TTC28: variants seen among roughly 807,000 people sequenced by gnomAD.
TTC28 encodes tetratricopeptide repeat domain 28.
A neutral mutation model predicts 198.0 loss-of-function variants in TTC28; 61 were observed. That is an observed-to-expected ratio of 0.31 (90% CI 0.25 to 0.38). The LOEUF is 0.38. Ranked by LOEUF, TTC28 falls within the 10% of genes least tolerant of loss-of-function variation. The pLI, the probability that TTC28 is intolerant of heterozygous loss-of-function variation, is 1.00. For synonymous variants in TTC28, 1,171 were observed against 1,297.8 expected, an observed-to-expected ratio of 0.90 and a Z score of 2.10; for missense variants, 2,678 against 3,164.0, an observed-to-expected ratio of 0.85 and a Z score of 3.69.
intron 2 of TTC28, among the ~76,000 whole-genome samples, chr22:28,362,071 C>T (rs1009910943): frequency 6.6e-6 from 1 of 152,166 alleles, no homozygotes; most frequent in East Asian, 1.9e-4. Context: ...TGCCTGCTAA[C>T]ACAATATACA....
At chr22:28,084,853 A>G (rs1002013912) in intron 12 of TTC28, among the ~76,000 whole-genome samples, 1 of 152,220 alleles carries the variant, frequency 6.6e-6, no homozygotes, top group Non-Finnish European at 1.5e-5. Context: ...CATGAGAACT[A>G]CGTGATGAAT....
chr22:28,234,819 C>A (rs1184121940), intron 5 of TTC28, among the ~76,000 whole-genome samples: 1 of 152,150 alleles, frequency 6.6e-6, no homozygotes, highest in Non-Finnish European at 1.5e-5. Flanking sequence ...CTATGCCCCA[C>A]AAATAGAATT....
Position 28,005,835 on chromosome 22 carries a change from A to G in TTC28, c.4219-4282T>C, listed in dbSNP as rs964762319. ...TCTGGCCTGGCCAAACAGTGGACAT[A>G]TCTCTGTGTCCTGTGGGCTGAATCA... On this transcript the variant is annotated intron_variant, in intron 14 of 22. Transcript: ENST00000397906. This position sits in a 1 kb window ranked among gnomAD's most constrained non-coding sequence, Gnocchi z 4.9. Among the ~76,000 whole-genome samples, 9 of 152,192 alleles carry G rather than the reference A, an allele frequency of 5.9e-5. No individual in the cohort carries two copies. Among genetic ancestry groups the G allele is most frequent in the African/African-American group, 2.2e-4 (9 of 41,452 alleles).
intron 3 of TTC28, among the ~76,000 whole-genome samples, chr22:28,302,027 G>C (rs963590630): frequency 8.2e-5 from 12 of 145,672 alleles, no homozygotes; most frequent in African/African-American, 2.5e-4. Context: ...GGCAGAGTGA[G>C]ATCCTGTCTC....
chr22:28,100,355 G>A (rs920664211), intron 9 of TTC28, among the ~76,000 whole-genome samples: 1 of 152,180 alleles, frequency 6.6e-6, no homozygotes, highest in Non-Finnish European at 1.5e-5. Context: ...ACCTCACAGG[G>A]TTATTTTAAG....
chr22:28,385,955 G>A (rs1333413432), intron 2 of TTC28, among the ~76,000 whole-genome samples: 1 of 151,944 alleles, frequency 6.6e-6, no homozygotes, highest in Non-Finnish European at 1.5e-5. Context: ...AACTTTCTAA[G>A]CCCCGCTCGA....
At chr22:28,558,400 G>A (rs5762686) in intron 2 of TTC28, among the ~76,000 whole-genome samples, 34,912 of 152,166 alleles carry the variant, frequency 0.23, 5,019 homozygotes, top group South Asian at 0.38. Flanking sequence ...TTGGCCAGGC[G>A]CAGTGGCTCA....
intron 2 of TTC28, among the ~76,000 whole-genome samples, chr22:28,571,095 T>A (rs1055167955): frequency 3.9e-5 from 6 of 152,182 alleles, no homozygotes; most frequent in African/African-American, 1.4e-4. Context: ...GAGGAAAGCA[T>A]ATGTCCTGAA....
At chr22:28,186,554 G>C (rs1924224706) in intron 5 of TTC28, among the ~76,000 whole-genome samples, 1 of 152,140 alleles carries the variant, frequency 6.6e-6, no homozygotes, top group Non-Finnish European at 1.5e-5. Context: ...ATGTGCCTTA[G>C]TAATACATCT....
At chr22:28,125,114 T>C (rs1304370783) in intron 6 of TTC28, among the ~76,000 whole-genome samples, 2 of 152,206 alleles carry the variant, frequency 1.3e-5, no homozygotes, top group African/African-American at 2.4e-5. Context: ...CCCTTTATCA[T>C]TACCGTATTA....
chr22:28,604,370 A>G (rs2050695640), intron 2 of TTC28, among the ~76,000 whole-genome samples: 1 of 148,944 alleles, frequency 6.7e-6, no homozygotes, highest in African/African-American at 2.5e-5. Flanking sequence ...TTTATCTGAA[A>G]TGCTTTTTTG....
At chr22:28,640,319 G>C (rs1029512018) in intron 1 of TTC28, among the ~76,000 whole-genome samples, 1 of 144,110 alleles carries the variant, frequency 6.9e-6, no homozygotes, top group Non-Finnish European at 1.5e-5. Flanking sequence ...TAAAGGGGGG[G>C]GGGGGAAAGA....
intron 1 of TTC28, among the ~76,000 whole-genome samples, chr22:28,676,723 TAAA>T (rs767914032): frequency 8.2e-6 from 1 of 121,390 alleles, no homozygotes. Flanking sequence ...TTATTAGAAA[TAAA>T]AAAAAAAAAA....
At chr22:28,177,404 G>T (rs1356738761) in intron 5 of TTC28, among the ~76,000 whole-genome samples, 1 of 152,186 alleles carries the variant, frequency 6.6e-6, no homozygotes, top group African/African-American at 2.4e-5. Context: ...TTCATAGTCG[G>T]AAGGAATGAA....
intron 6 of TTC28, among the ~76,000 whole-genome samples, chr22:28,126,422 T>C (rs942952938): frequency 1.3e-5 from 2 of 152,220 alleles, no homozygotes; most frequent in African/African-American, 4.8e-5. Flanking sequence ...CCAATCCTGC[T>C]CTCTACAATG....
chr22:28,392,569 A>C (rs1382905200), intron 2 of TTC28, among the ~76,000 whole-genome samples: 1 of 152,190 alleles, frequency 6.6e-6, no homozygotes, highest in African/African-American at 2.4e-5. Flanking sequence ...AGCCCATCGG[A>C]AAAGCGCAGT....
chr22:28,456,440 T>A lies in TTC28; in HGVS notation c.382-149797A>T, dbSNP rs547773577. Among the ~76,000 whole-genome samples the A allele has an allele frequency of 4.5e-4, 69 of 152,320 alleles. No homozygotes were observed. The South Asian group carries it at 0.014, about 31-fold the overall frequency. ...TTTGTAAAAATACAAAAAAAGTGAA[T>A]TGTAACTAAAATATACAAATATTAT... is the stretch of plus-strand genomic sequence containing the variant. On this transcript the variant is annotated intron_variant, in intron 2 of 22. Transcript: ENST00000397906.
chr22:28,048,720 T>C (rs1939964872), intron 12 of TTC28, among the ~76,000 whole-genome samples: 2 of 151,860 alleles, frequency 1.3e-5, no homozygotes, highest in Admixed American at 6.6e-5. Flanking sequence ...TCAAATCTTA[T>C]CTCCCATCAC....
chr22:28,501,678 T>C (rs1429117516), intron 2 of TTC28, among the ~76,000 whole-genome samples: 1 of 152,160 alleles, frequency 6.6e-6, no homozygotes, highest in Non-Finnish European at 1.5e-5. Flanking sequence ...ATGTAAAATA[T>C]TACATATCAA....
Sources: gnomAD v4.1 joint callset for allele counts (sites outside exome capture counted in the v4.1 genomes callset) on GRCh38, gnomAD v4.1.1 for gene constraint, Gnocchi (gnomAD v3.1) non-coding constraint, MANE v1.5 for transcripts, NCBI Gene and HGNC (gene_info 2026-07-23, HGNC 2026-07-21) for gene names.